The following CCDC171 variants were observed in gnomAD, a reference collection of about 807,000 sequenced individuals.
CCDC171 encodes coiled-coil domain containing 171, also known as coiled-coil domain-containing protein 171.
In CCDC171, 177 loss-of-function variants were observed where a neutral mutation model predicts 168.2. The observed-to-expected ratio is 1.05, with a 90% CI of 0.93 to 1.19. CCDC171 has a LOEUF of 1.19. CCDC171 is among the 50% of genes most tolerant of loss of function. The probability of loss-of-function intolerance (pLI) is 0.00; values close to 1 mark genes in which losing one functional copy is unlikely to be tolerated. For synonymous variants in CCDC171, 687 were observed against 540.8 expected (o/e 1.27, Z -3.75); for missense variants, 1,991 against 1,539.0 (o/e 1.29, Z -4.91).
chr9:15,740,483 A>G (rs1229370040), intron 16 of CCDC171, among the ~76,000 whole-genome samples: 1 of 151,668 alleles, frequency 6.6e-6, no homozygotes, highest in Non-Finnish European at 1.5e-5. Context: ...CACCCAAGCT[A>G]GAGTGCAGTG....
intron 18 of CCDC171, among the ~76,000 whole-genome samples, chr9:15,772,404 C>T (rs2057061858): frequency 6.6e-6 from 1 of 151,920 alleles, no homozygotes. Flanking sequence ...TTAGATAAAA[C>T]ATTGCTTTGA....
chr9:15,879,751 T>G (rs950614864), intron 24 of CCDC171, among the ~76,000 whole-genome samples: 1 of 152,166 alleles, frequency 6.6e-6, no homozygotes, highest in African/African-American at 2.4e-5. Context: ...ATTTTGAGTT[T>G]TTGGTTATTA....
chr9:15,761,164 G>T (rs1935225), intron 18 of CCDC171, among the ~76,000 whole-genome samples: 1 of 152,184 alleles, frequency 6.6e-6, no homozygotes, highest in African/African-American at 2.4e-5. Context: ...CACATTTCCT[G>T]TGTAATTACG....
chr9:15,831,383 C>G (rs1041474734), intron 21 of CCDC171, among the ~76,000 whole-genome samples: 2 of 152,138 alleles, frequency 1.3e-5, no homozygotes, highest in Non-Finnish European at 2.9e-5. Flanking sequence ...TAAAAGAGCA[C>G]CACATTAGGA....
rs183198096 is a variant in CCDC171 at position 15,923,321 on chromosome 9, G to T, written c.3753+2899G>T. On this transcript the variant is annotated intron_variant, in intron 25 of 25. Transcript: ENST00000380701. Reference sequence around the variant, plus strand: ...TATACATAATAAATACTATTCAGTCGTAAAAAAGAACGAAATCTTGTCATT... The same window carrying T: ...TATACATAATAAATACTATTCAGTCTTAAAAAAGAACGAAATCTTGTCATT... Among the ~76,000 whole-genome samples the T allele has an allele frequency of 1.5e-3, 224 of 151,298 alleles. 2 individuals carry two copies. The highest frequency in any genetic ancestry group is 5.0e-3 in the African/African-American group (207 of 41,414).
chr9:15,650,177 C>G (rs895108888), intron 7 of CCDC171, among the ~76,000 whole-genome samples: 3 of 152,112 alleles, frequency 2.0e-5, no homozygotes, highest in East Asian at 3.9e-4. Flanking sequence ...CATGTTCTCA[C>G]TCATAGGTGG....
intron 1 of CCDC171, among the ~76,000 whole-genome samples, chr9:15,560,013 A>T (rs1158106291): frequency 6.6e-6 from 1 of 152,114 alleles, no homozygotes; most frequent in Non-Finnish European, 1.5e-5. Context: ...CTGGATATGA[A>T]ATTCTGGGTT....
intron 3 of CCDC171, among the ~76,000 whole-genome samples, chr9:15,578,222 A>G (rs1397632605): frequency 1.3e-5 from 2 of 150,754 alleles, no homozygotes; most frequent in Non-Finnish European, 3.0e-5. Context: ...TTTTTTAGGT[A>G]TGAATATTTT....
chr9:16,103,926 TA>T, the CCDC171 span, among the ~76,000 whole-genome samples: 2 of 152,198 alleles, frequency 1.3e-5, no homozygotes, highest in Non-Finnish European at 2.9e-5. Context: ...CAGCTTTCTC[TA>T]ACTGAATAGA....
intron 24 of CCDC171, among the ~76,000 whole-genome samples, chr9:15,876,986 G>A (rs754096466): frequency 1.3e-5 from 2 of 151,930 alleles, no homozygotes; most frequent in Non-Finnish European, 2.9e-5. Flanking sequence ...TTTTCAATGG[G>A]GGCAAACTTT....
At chr9:15,816,715 C>T (rs2059573371) in intron 21 of CCDC171, among the ~76,000 whole-genome samples, 1 of 117,844 alleles carries the variant, frequency 8.5e-6, no homozygotes, top group African/African-American at 3.2e-5. Context: ...ATGTGAATGT[C>T]AGAGAGATGA....
rs1407586879 is a variant in CCDC171, at chr9:15,695,353, A to G, written c.1318+16A>G. On this transcript the variant is annotated intron_variant, in intron 11 of 25. Transcript: ENST00000380701. ...TGGACATCAGGTTAGTTGAAGGTATAAAATGACAGATGCATCTGTCAATGT... is the reference window on the plus strand; with the variant it reads ...TGGACATCAGGTTAGTTGAAGGTATGAAATGACAGATGCATCTGTCAATGT... 5.7e-6 allele frequency: 9 copies of G among 1,578,012 alleles called. No homozygotes were observed. Among genetic ancestry groups the G allele is most frequent in the Non-Finnish European group, 7.0e-6 (8 of 1,146,982 alleles).
chr9:15,706,488 A>T (rs2052246867), intron 11 of CCDC171, among the ~76,000 whole-genome samples: 5 of 151,968 alleles, frequency 3.3e-5, no homozygotes, highest in Admixed American at 3.3e-4. Flanking sequence ...GGATTTCACC[A>T]TGTTGCCCAG....
At chr9:15,583,871 C>CT (rs1303289714) in intron 4 of CCDC171, among the ~76,000 whole-genome samples, 8 of 151,946 alleles carry the variant, frequency 5.3e-5, no homozygotes, top group African/African-American at 1.9e-4. Context: ...ATATAATTTT[C>CT]TTTTTTTCTT....
chr9:15,736,886 G>A lies in CCDC171; in HGVS notation c.2049+7088G>A, dbSNP rs188514173. Among the ~76,000 whole-genome samples the A allele has an allele frequency of 2.1e-4, 32 of 151,968 alleles. No individual in the cohort carries two copies. In the East Asian group the frequency reaches 4.1e-3, roughly 19 times the overall value. The stretch of plus-strand genomic sequence containing the variant: ...AGAGATTGGGTTTTGCCATATTTTC[G>A]CAAGCCATCTGCCTGTCTTGGCCTC... On this transcript the variant is annotated intron_variant, in intron 16 of 25. Coordinates refer to ENST00000380701, the MANE Select transcript of CCDC171 (RefSeq NM_173550.4).
At chr9:15,908,753 G>A (rs1157057283) in intron 24 of CCDC171, among the ~76,000 whole-genome samples, 1 of 152,178 alleles carries the variant, frequency 6.6e-6, no homozygotes, top group Admixed American at 6.5e-5. Context: ...GGAAGCTTAA[G>A]ATTCTGGCAG....
chr9:15,767,126 G>A (rs748790121), intron 18 of CCDC171, among the ~76,000 whole-genome samples: 15 of 152,168 alleles, frequency 9.9e-5, no homozygotes, highest in Non-Finnish European at 2.1e-4. Context: ...TCAGGTTCCT[G>A]TTATTGGGCT....
chr9:15,957,590 G>A (rs888700987), intron 25 of CCDC171, among the ~76,000 whole-genome samples: 1 of 152,068 alleles, frequency 6.6e-6, no homozygotes, highest in Non-Finnish European at 1.5e-5. Flanking sequence ...CCCCTTTTCT[G>A]CCCAAGCAGA....
At position 15,664,381 on chromosome 9, in the gene CCDC171, C is replaced by T. The variant is rs183494714; in HGVS notation, c.916-1782C>T. Among the ~76,000 whole-genome samples the T allele has an allele frequency of 2.8e-3, 430 of 152,102 alleles. 1 individual carries two copies. The highest frequency in any genetic ancestry group is 0.015 in the South Asian group (70 of 4,818). ...TGCCCGCCTCTGTCCCCCAAGTAGC[C>T]GGCATTACAAACGCGTGACACCACG... On this transcript the variant is annotated intron_variant, in intron 8 of 25. Transcript: ENST00000380701.
Sources: gnomAD v4.1 joint callset for allele counts (sites outside exome capture counted in the v4.1 genomes callset) on GRCh38, gnomAD v4.1.1 for gene constraint, MANE v1.5 for transcripts, NCBI Gene and HGNC (gene_info 2026-07-23, HGNC 2026-07-21) for gene names.